The following HDAC9 variants were observed in gnomAD, a reference collection of about 807,000 sequenced individuals.
The protein encoded by HDAC9 is histone deacetylase 9.
In HDAC9, 41 loss-of-function variants were observed where a neutral mutation model predicts 139.4. That is an observed-to-expected ratio of 0.29 (90% CI 0.23 to 0.38). The LOEUF is 0.38. Ranked by LOEUF, HDAC9 falls within the 10% of genes least tolerant of loss-of-function variation. HDAC9 has a pLI of 1.00. For missense variants in HDAC9, 1,147 were observed against 1,297.0 expected (o/e 0.88, Z 1.78); for synonymous variants, 517 against 476.2 (o/e 1.09, Z -1.12).
intron 2 of HDAC9, among the ~76,000 whole-genome samples, chr7:18,531,469 T>C (rs542393152): frequency 5.3e-5 from 8 of 152,156 alleles, no homozygotes; most frequent in Admixed American, 2.0e-4. Flanking sequence ...TGCTAATATG[T>C]ATGTAATTAA....
chr7:18,930,051 T>G (rs148784262), intron 22 of HDAC9, among the ~76,000 whole-genome samples: 1,548 of 152,250 alleles, frequency 0.01, 32 homozygotes, highest in African/African-American at 0.035. Flanking sequence ...CAAGGCTGAT[T>G]TTTAGTCAGT....
chr7:18,731,767 A>G (rs1041435001), intron 13 of HDAC9, among the ~76,000 whole-genome samples: 4 of 152,074 alleles, frequency 2.6e-5, no homozygotes, highest in African/African-American at 9.7e-5. Flanking sequence ...CTGGGATTAC[A>G]GTCATGCACC....
At chr7:18,537,213 T>A (rs1811193566) in intron 2 of HDAC9, among the ~76,000 whole-genome samples, 1 of 152,128 alleles carries the variant, frequency 6.6e-6, no homozygotes, top group Non-Finnish European at 1.5e-5. Flanking sequence ...AGGACTAAAT[T>A]TTGGGACAGG....
At position 18,444,124 on chromosome 7, in the gene HDAC9, C is replaced by T. The variant is rs537651658; in HGVS notation, c.-41-52138C>T. Reference sequence around the variant, plus strand: ...GTGGCCAAGGTGGGTTGATCACCTGCGGTCAGGAGTTCAAGACTAGCCTGA... The same window carrying T: ...GTGGCCAAGGTGGGTTGATCACCTGTGGTCAGGAGTTCAAGACTAGCCTGA... On this transcript the variant is annotated intron_variant, in intron 1 of 3. Transcript: ENST00000413509. 1.5e-4 allele frequency among the ~76,000 whole-genome samples: 22 copies of T among 151,692 alleles called. No homozygotes were observed. In the South Asian group the frequency reaches 3.1e-3, roughly 21 times the overall value.
At chr7:18,988,019 C>T (rs1472090327) in intron 25 of HDAC9, among the ~76,000 whole-genome samples, 2 of 152,296 alleles carry the variant, frequency 1.3e-5, no homozygotes, top group East Asian at 3.9e-4. Flanking sequence ...AAAAAACCAG[C>T]TCCTGGATTC....
At chr7:18,284,554 A>G (rs777537648) in intron 2 of HDAC9, among the ~76,000 whole-genome samples, 25 of 152,154 alleles carry the variant, frequency 1.6e-4, no homozygotes, top group Non-Finnish European at 3.2e-4. Context: ...AAATCTTTGT[A>G]TATCGTGTTA....
chr7:18,623,191 G>A (rs1840709295), intron 6 of HDAC9, among the ~76,000 whole-genome samples: 1 of 151,902 alleles, frequency 6.6e-6, no homozygotes, highest in Non-Finnish European at 1.5e-5. Flanking sequence ...CACATAGTAG[G>A]TGGTCCTTCT....
chr7:18,884,953 T>A lies in HDAC9; in HGVS notation c.2803+10357T>A, dbSNP rs1199722129. On this transcript the variant is annotated intron_variant, in intron 22 of 25. Coordinates refer to ENST00000686413, the MANE Select transcript of HDAC9 (RefSeq NM_178425.4). ...TTCCAGTTAAAACTGGCAGAAAGGG[T>A]GGTTCTGTATACTGATATTCTTCAA... 2.0e-5 allele frequency among the ~76,000 whole-genome samples: 3 copies of A among 152,270 alleles called. No homozygotes were observed. The East Asian group carries it at 5.8e-4, about 29-fold the overall frequency.
chr7:18,759,515 G>T (rs1321389238), intron 14 of HDAC9, among the ~76,000 whole-genome samples: 6 of 151,888 alleles, frequency 4.0e-5, no homozygotes, highest in Admixed American at 2.0e-4. Context: ...CTAGTTGCAG[G>T]AAAGCAAGCT....
chr7:18,982,509 C>T (rs1481211279), intron 25 of HDAC9, among the ~76,000 whole-genome samples: 1 of 152,024 alleles, frequency 6.6e-6, no homozygotes, highest in Non-Finnish European at 1.5e-5. Flanking sequence ...GGAGGTATAT[C>T]TTACATATAA....
chr7:18,659,798 C>G (rs1353349859), intron 11 of HDAC9, among the ~76,000 whole-genome samples: 3 of 152,160 alleles, frequency 2.0e-5, no homozygotes, highest in African/African-American at 7.2e-5. Flanking sequence ...GAGATTCACA[C>G]AGGCTTGCAC....
At chr7:18,762,679 A>C (rs941576440) in intron 15 of HDAC9, among the ~76,000 whole-genome samples, 2 of 152,176 alleles carry the variant, frequency 1.3e-5, no homozygotes, top group African/African-American at 4.8e-5. Flanking sequence ...TGACCTTAAG[A>C]AACAAAGGAA....
At chr7:18,630,816 T>A (rs949241562) in intron 7 of HDAC9, among the ~76,000 whole-genome samples, 1 of 152,016 alleles carries the variant, frequency 6.6e-6, no homozygotes, top group African/African-American at 2.4e-5. Flanking sequence ...AGGTCTTTGA[T>A]GGGGGTGGGC....
At chr7:18,956,774 T>C (rs1308406988) in intron 24 of HDAC9, among the ~76,000 whole-genome samples, 1 of 151,964 alleles carries the variant, frequency 6.6e-6, no homozygotes, top group Admixed American at 6.6e-5. Context: ...GTCAACCCAC[T>C]TGACAGTGAT....
chr7:18,324,396 G>T (rs1800277876), intron 1 of HDAC9, among the ~76,000 whole-genome samples: 1 of 152,118 alleles, frequency 6.6e-6, no homozygotes, highest in Non-Finnish European at 1.5e-5. Flanking sequence ...CTCTGAAATG[G>T]AGATAATCAT....
chr7:18,856,396 C>A (rs763639352), intron 21 of HDAC9, among the ~76,000 whole-genome samples: 3 of 152,068 alleles, frequency 2.0e-5, no homozygotes, highest in Non-Finnish European at 4.4e-5. Flanking sequence ...CTATTTTGGT[C>A]ACTATAATGA....
intron 1 of HDAC9, among the ~76,000 whole-genome samples, chr7:18,371,447 T>G (rs1784585369): frequency 6.6e-6 from 1 of 152,210 alleles, no homozygotes. Context: ...AATATCTTTT[T>G]GTGTGTATAT....
chr7:18,896,027 C>T (rs186532159), intron 22 of HDAC9, among the ~76,000 whole-genome samples: 11 of 152,170 alleles, frequency 7.2e-5, no homozygotes, highest in African/African-American at 2.6e-4. Flanking sequence ...AAAGGAGCAG[C>T]TGCAGTTTTC....
At chr7:18,098,867 A>T (rs1020813758) in intron 1 of HDAC9, among the ~76,000 whole-genome samples, 2 of 152,090 alleles carry the variant, frequency 1.3e-5, no homozygotes, top group African/African-American at 4.8e-5. Flanking sequence ...TTGAGCTTTT[A>T]TCTTCTTATT....
Sources: allele counts gnomAD v4.1 joint callset (sites outside exome capture counted in the v4.1 genomes callset), GRCh38; gene constraint gnomAD v4.1.1; transcripts MANE v1.5; gene names NCBI Gene and HGNC (gene_info 2026-07-23, HGNC 2026-07-21).